The following DRC11 variants were observed in gnomAD, a reference collection of about 807,000 sequenced individuals.
DRC11 encodes the protein dynein regulatory complex subunit 11.
At chr2:236,380,516 C>T in the DRC11 span, 8 of 1,403,688 alleles carry the variant, frequency 5.7e-6, no homozygotes, top group Non-Finnish European at 5.9e-6. This position sits in a 1 kb window ranked among gnomAD's most constrained non-coding sequence, Gnocchi z 4.9. Flanking sequence ...GTTCCCTGTG[C>T]TGTTCTCTGG....
the DRC11 span, among the ~76,000 whole-genome samples, chr2:236,426,392 A>G: frequency 1.3e-5 from 2 of 152,036 alleles, no homozygotes; most frequent in Admixed American, 6.5e-5. The surrounding 1 kb of genome is among the most constrained non-coding windows in gnomAD (Gnocchi z 4.1). Flanking sequence ...AATTAAAAGA[A>G]TGTTACTATA....
chr2:236,357,289 TA>T, the DRC11 span, among the ~76,000 whole-genome samples: 41 of 109,782 alleles, frequency 3.7e-4, no homozygotes, highest in African/African-American at 1.6e-3. Flanking sequence ...TATATATTTA[TA>T]TATTATATAT....
the DRC11 span, among the ~76,000 whole-genome samples, chr2:236,378,782 C>T: frequency 6.6e-6 from 1 of 152,124 alleles, no homozygotes; most frequent in African/African-American, 2.4e-5. Flanking sequence ...CCCAAATCTG[C>T]CCCAGGAGGT....
chr2:236,490,460 C>A, the DRC11 span, among the ~76,000 whole-genome samples: 1 of 152,158 alleles, frequency 6.6e-6, no homozygotes, highest in Admixed American at 6.5e-5. This position sits in a 1 kb window ranked among gnomAD's most constrained non-coding sequence, Gnocchi z 5.5. Flanking sequence ...TAAGATTTCA[C>A]CGCTTCAAAT....
chr2:236,335,281 C>T, the DRC11 span, among the ~76,000 whole-genome samples: 2 of 152,198 alleles, frequency 1.3e-5, no homozygotes, highest in African/African-American at 4.8e-5. The surrounding 1 kb of genome is among the most constrained non-coding windows in gnomAD (Gnocchi z 5.6). Flanking sequence ...TTCTGTAAGA[C>T]AGATGTCCCA....
At chr2:236,449,835 A>G in the DRC11 span, among the ~76,000 whole-genome samples, 2 of 152,338 alleles carry the variant, frequency 1.3e-5, no homozygotes, top group African/African-American at 4.8e-5. This position sits in a 1 kb window ranked among gnomAD's most constrained non-coding sequence, Gnocchi z 5.1. Context: ...CACACTGGGC[A>G]AAGCCTGCTC....
chr2:236,341,203 C>T, the DRC11 span, among the ~76,000 whole-genome samples: 3 of 152,210 alleles, frequency 2.0e-5, no homozygotes, highest in Admixed American at 1.3e-4. Flanking sequence ...GAGGCACTAT[C>T]GTGATGTCAG....
At chr2:236,421,427 A>G in the DRC11 span, among the ~76,000 whole-genome samples, 51 of 152,296 alleles carry the variant, frequency 3.3e-4, no homozygotes, top group Non-Finnish European at 4.7e-4. Context: ...GAATACTATA[A>G]ACACCTTTAT....
At chr2:236,331,772 A>G in the DRC11 span, 1 of 600,138 alleles carries the variant, frequency 1.7e-6, no homozygotes, top group Admixed American at 2.9e-5. This position sits in a 1 kb window ranked among gnomAD's most constrained non-coding sequence, Gnocchi z 4.8. Flanking sequence ...TCCTCTAGAG[A>G]ATTTTCAACC....
At chr2:236,398,698 C>T in the DRC11 span, among the ~76,000 whole-genome samples, 14 of 152,158 alleles carry the variant, frequency 9.2e-5, no homozygotes, top group South Asian at 2.1e-4. The surrounding 1 kb of genome is among the most constrained non-coding windows in gnomAD (Gnocchi z 6.2). Flanking sequence ...CCTACACTTG[C>T]GGATCCAGCC....
chr2:236,482,735 A>G, the DRC11 span, among the ~76,000 whole-genome samples: 1 of 152,264 alleles, frequency 6.6e-6, no homozygotes, highest in Non-Finnish European at 1.5e-5. This position sits in a 1 kb window ranked among gnomAD's most constrained non-coding sequence, Gnocchi z 4.5. Context: ...ATAATGATGC[A>G]TCTTACAATT....
the DRC11 span, among the ~76,000 whole-genome samples, chr2:236,478,341 T>C: frequency 1.3e-5 from 2 of 152,216 alleles, no homozygotes; most frequent in Non-Finnish European, 2.9e-5. This position sits in a 1 kb window ranked among gnomAD's most constrained non-coding sequence, Gnocchi z 5.9. Context: ...ATTTCCATGT[T>C]TGTATAATTT....
At chr2:236,460,167 A>T in the DRC11 span, among the ~76,000 whole-genome samples, 1 of 152,334 alleles carries the variant, frequency 6.6e-6, no homozygotes, top group East Asian at 1.9e-4. The surrounding 1 kb of genome is among the most constrained non-coding windows in gnomAD (Gnocchi z 4.0). Flanking sequence ...TTCACCCTTG[A>T]CCTTCCATTA....
At chr2:236,408,567 G>A in the DRC11 span, 1 of 726,844 alleles carries the variant, frequency 1.4e-6, no homozygotes, top group South Asian at 1.4e-5. The surrounding 1 kb of genome is among the most constrained non-coding windows in gnomAD (Gnocchi z 5.5). Flanking sequence ...GAGGAAGCAG[G>A]TATATGTGGG....
At chr2:236,446,701 C>T in the DRC11 span, among the ~76,000 whole-genome samples, 1,180 of 152,318 alleles carry the variant, frequency 7.7e-3, 9 homozygotes, top group Non-Finnish European at 0.013. The surrounding 1 kb of genome is among the most constrained non-coding windows in gnomAD (Gnocchi z 6.2). Context: ...GGCTGCCACA[C>T]GGTGTGGGCA....
At chr2:236,331,818 G>T in the DRC11 span, 1 of 534,536 alleles carries the variant, frequency 1.9e-6, no homozygotes, top group African/African-American at 1.9e-5. The surrounding 1 kb of genome is among the most constrained non-coding windows in gnomAD (Gnocchi z 4.8). Context: ...GAGGTCTATA[G>T]ATCCACAAGT....
chr2:236,349,386 C>A, the DRC11 span, among the ~76,000 whole-genome samples: 1 of 152,166 alleles, frequency 6.6e-6, no homozygotes, highest in African/African-American at 2.4e-5. The surrounding 1 kb of genome is among the most constrained non-coding windows in gnomAD (Gnocchi z 5.5). Flanking sequence ...TTTGTAATAA[C>A]AAAGGCAAGA....
the DRC11 span, among the ~76,000 whole-genome samples, chr2:236,326,128 AAT>A: frequency 6.6e-6 from 1 of 152,244 alleles, no homozygotes; most frequent in Non-Finnish European, 1.5e-5. Flanking sequence ...AGTTCCCAAC[AAT>A]ATATCTAGGT....
the DRC11 span, among the ~76,000 whole-genome samples, chr2:236,394,469 A>G: frequency 6.6e-6 from 1 of 152,176 alleles, no homozygotes; most frequent in Non-Finnish European, 1.5e-5. This position sits in a 1 kb window ranked among gnomAD's most constrained non-coding sequence, Gnocchi z 7.0. Flanking sequence ...TGTCTCTATT[A>G]AAAGTACAAA....
Sources: gnomAD v4.1 joint callset for allele counts (sites outside exome capture counted in the v4.1 genomes callset) on GRCh38, gnomAD v4.1.1 for gene constraint, Gnocchi (gnomAD v3.1) non-coding constraint, MANE v1.5 for transcripts, NCBI Gene and HGNC (gene_info 2026-07-23, HGNC 2026-07-21) for gene names.